Variants in CRYGN observed in about 807,000 individuals in gnomAD.
CRYGN encodes gamma-crystallin N.
Under a neutral mutation model 19.2 loss-of-function variants are expected in CRYGN, and 17 were observed. The ratio of observed to expected loss-of-function variants is 0.89; its 90% CI spans 0.61 to 1.33. The LOEUF (loss-of-function observed/expected upper bound fraction) is 1.33. Ranked by LOEUF, CRYGN falls within the 40% of genes most tolerant of loss-of-function variation. The pLI is 0.00. For missense variants in CRYGN, 239 were observed against 239.6 expected, an observed-to-expected ratio of 1.00 and a Z score of 0.02; for synonymous variants, 84 against 85.8, an observed-to-expected ratio of 0.98 and a Z score of 0.12.
At chr7:151,440,205 C>G (rs1801730625), upstream of CRYGN, 1 of 846,218 alleles carries the variant, frequency 1.2e-6, no homozygotes, top group Non-Finnish European at 1.6e-6. Flanking sequence ...CTGCCCTGCC[C>G]TGGAGTGGTG....
At chr7:151,434,564 GTA>G (rs563490871) in intron 3 of CRYGN, among the ~76,000 whole-genome samples, 97 of 152,320 alleles carry the variant, frequency 6.4e-4, no homozygotes, top group African/African-American at 2.2e-3. Flanking sequence ...AAGGTGGGAT[GTA>G]CACAGTCCCT....
Position 151,435,695 on chromosome 7 carries a change from C to G in CRYGN, c.416+485G>C, listed in dbSNP as rs1801585819. Among the ~76,000 whole-genome samples the G allele has an allele frequency of 6.6e-6, 1 of 150,616 alleles. No individual in the cohort carries two copies. The highest frequency in any genetic ancestry group is 6.6e-5 in the Admixed American group (1 of 15,148). ...GAGAGGCCCGGTTCAGGGGTCAGCTCTGCGGGGTAGGCGCGGGGGCAGGGT... is the reference window on the plus strand; with the variant it reads ...GAGAGGCCCGGTTCAGGGGTCAGCTGTGCGGGGTAGGCGCGGGGGCAGGGT... On this transcript the variant is annotated intron_variant, in intron 3 of 3. Transcript: ENST00000337323. This position sits in a 1 kb window ranked among gnomAD's most constrained non-coding sequence, Gnocchi z 4.2.
intron 3 of CRYGN, chr7:151,432,397 C>T (rs1486367152): frequency 3.7e-6 from 2 of 541,564 alleles, no homozygotes; most frequent in Non-Finnish European, 5.6e-6. Flanking sequence ...CGAGCGGCCC[C>T]TTCACTCTGG....
chr7:151,440,050 G>A lies in CRYGN; in HGVS notation c.-133C>T, dbSNP rs982148437. The A allele has an allele frequency of 2.2e-6, 3 of 1,352,602 alleles. No homozygotes were observed. Among genetic ancestry groups the A allele is most frequent in the Admixed American group, 7.2e-5 (2 of 27,864 alleles). The allele number at this position is 1,352,602 out of a possible 1,614,324, so 83.8% of individuals were successfully genotyped here. ...GCTGTCGGGCGTGCTAAGCCCGAGG[G>A]GCCACCAGGCGGTTGGGACCCGCCG... On this transcript the variant is annotated 5_prime_UTR_variant, in exon 1 of 4. Transcript: ENST00000337323.
chr7:151,430,328 T>C lies in CRYGN; in HGVS notation c.417-148A>G, dbSNP rs1409286478. The C allele has an allele frequency of 1.0e-5, 8 of 788,112 alleles. No homozygotes were observed. The highest frequency in any genetic ancestry group is 1.6e-5 in the Non-Finnish European group (8 of 501,440). 48.8% of individuals were successfully genotyped at this position (788,112 alleles called of 1,614,324 possible). On this transcript the variant is annotated intron_variant, in intron 3 of 3. Transcript: ENST00000337323. This position sits in a 1 kb window ranked among gnomAD's most constrained non-coding sequence, Gnocchi z 5.2. The stretch of plus-strand genomic sequence containing the variant: ...GTTGCCTAGTGGTTTCATGTCTTCA[T>C]TTGGCCTCGGCTGTCATGGGACAGC...
rs35006328 is a variant in CRYGN at position 151,430,259 on chromosome 7, A to G, written c.417-79T>C. 0.017 allele frequency: 23,729 copies of G among 1,417,504 alleles called. 270 individuals carry two copies. Among genetic ancestry groups the G allele is most frequent in the Non-Finnish European group, 0.02 (20,632 of 1,020,318 alleles). 87.8% of individuals were successfully genotyped at this position (1,417,504 alleles called of 1,614,324 possible). A position where few individuals can be genotyped will look rare whatever the true frequency, so the allele number is the denominator to read the frequency against. ...GGCCTTTTGGGGACCCATCTACCAC[A>G]TGGCAGCAGGGAGCCCCTTCCCCTT... On this transcript the variant is annotated intron_variant, in intron 3 of 3. Coordinates refer to ENST00000337323, the MANE Select transcript of CRYGN (RefSeq NM_144727.3). This position sits in a 1 kb window ranked among gnomAD's most constrained non-coding sequence, Gnocchi z 5.2.
chr7:151,434,908 C>T (rs1210438265), intron 3 of CRYGN, among the ~76,000 whole-genome samples: 1 of 152,212 alleles, frequency 6.6e-6, no homozygotes, highest in East Asian at 1.9e-4. Context: ...TTACTGGACT[C>T]GAAATCATCT....
intron 1 of CRYGN, 136 bp from the exon 2 acceptor site, chr7:151,438,380 T>C: frequency 1.2e-5 from 10 of 815,080 alleles, no homozygotes; most frequent in Non-Finnish European, 1.9e-5. Flanking sequence ...CTGCACACAG[T>C]AGGTGCCCAA....
In CRYGN at chr7:151,431,033, T is replaced by A. The variant is rs1801451696; in HGVS notation, c.417-853A>T. Among the ~76,000 whole-genome samples the A allele has an allele frequency of 6.6e-6, 1 of 152,170 alleles. No homozygotes were observed. The highest frequency in any genetic ancestry group is 2.1e-4 in the South Asian group (1 of 4,828). ...TCTCCATGTCCAGGAGCCCCCATGC[T>A]CAGGAATCTCGGGTCCAGGGCCCCT... On this transcript the variant is annotated intron_variant, in intron 3 of 3. Transcript: ENST00000337323. The surrounding 1 kb of genome is among the most constrained non-coding windows in gnomAD (Gnocchi z 4.8).
chr7:151,432,517 G>T (rs73727195), intron 3 of CRYGN, among the ~76,000 whole-genome samples: 3,054 of 152,310 alleles, frequency 0.02, 112 homozygotes, highest in African/African-American at 0.066. Flanking sequence ...AAACTGACCA[G>T]TCCTGGCCGG....
rs573290873 is a variant in CRYGN, at chr7:151,433,851, G to A, written c.416+2329C>T. On this transcript the variant is annotated intron_variant, in intron 3 of 3. Coordinates refer to ENST00000337323, the MANE Select transcript of CRYGN (RefSeq NM_144727.3). The surrounding 1 kb of genome is among the most constrained non-coding windows in gnomAD (Gnocchi z 5.1). ...ACTGGGAGGAGGCAGACAGAGGAAA[G>A]GGCAGGGGCCTGTCCTGCCCACATC... Among the ~76,000 whole-genome samples, 182 of 152,320 alleles carry A rather than the reference G, an allele frequency of 1.2e-3. 1 individual carries two copies. The highest frequency in any genetic ancestry group is 4.1e-3 in the African/African-American group (172 of 41,570).
Position 151,439,965 on chromosome 7 carries a change from C to T in CRYGN, c.-48G>A. On this transcript the variant is annotated 5_prime_UTR_variant, in exon 1 of 4. Transcript: ENST00000337323. ...GGTCCCCGTTTACACCGGGCAGCGC[C>T]CTGCTGGCTCAGCGCCGCCCCGGAC... The T allele has an allele frequency of 6.7e-7, 1 of 1,492,182 alleles. No individual in the cohort carries two copies. Among genetic ancestry groups the T allele is most frequent in the Non-Finnish European group, 8.9e-7 (1 of 1,119,420 alleles). The allele number at this position is 1,492,182 out of a possible 1,614,324, so 92.4% of individuals were successfully genotyped here.
chr7:151,437,422 C>A (rs1801643161), intron 2 of CRYGN, among the ~76,000 whole-genome samples: 1 of 152,234 alleles, frequency 6.6e-6, no homozygotes, highest in Admixed American at 6.5e-5. Context: ...CTAGGAGCAG[C>A]TGGACCGAAA....
chr7:151,434,873 C>G (rs1282589812), intron 3 of CRYGN, among the ~76,000 whole-genome samples: 1 of 152,214 alleles, frequency 6.6e-6, no homozygotes, highest in African/African-American at 2.4e-5. Flanking sequence ...TTTCCAAGAA[C>G]CTATCCACAA....
In CRYGN at chr7:151,435,809, C is replaced by A. The variant is rs1584826329; in HGVS notation, c.416+371G>T. ...GGAGGACCCCTTGGTAAGCAGGTGT[C>A]CCCCGGTTCAAGAAAACCAAAGGCG... On this transcript the variant is annotated intron_variant, in intron 3 of 3. Transcript: ENST00000337323. The surrounding 1 kb of genome is among the most constrained non-coding windows in gnomAD (Gnocchi z 4.2). Among the ~76,000 whole-genome samples, 1 of 152,122 alleles carries A rather than the reference C, an allele frequency of 6.6e-6. No homozygotes were observed. Among genetic ancestry groups the A allele is most frequent in the Non-Finnish European group, 1.5e-5 (1 of 68,008 alleles).
rs1396917572 is a variant in CRYGN, at chr7:151,439,955, C to T, written c.-38G>A. ...CCCTTCCGCGGGTCCCCGTTTACAC[C>T]GGGCAGCGCCCTGCTGGCTCAGCGC... On this transcript the variant is annotated 5_prime_UTR_variant, in exon 1 of 4. Transcript: ENST00000337323. 6 of 1,508,236 alleles carry T rather than the reference C, an allele frequency of 4.0e-6. No homozygotes were observed. The East Asian group carries it at 1.5e-4, about 38-fold the overall frequency. 93.4% of individuals were successfully genotyped at this position (1,508,236 alleles called of 1,614,324 possible). A position where few individuals can be genotyped will look rare whatever the true frequency, so the allele number is the denominator to read the frequency against.
In CRYGN at chr7:151,436,316, GT is replaced by G; in HGVS notation, c.279del (p.Glu93AspfsTer5). ...CCCTCGAAGATTTCTAGGCGGAAAT[GT>G]TCTCCGTGCTCCAAGACCAAGCAAA... ...GSCRPVGMHG[E>X]HFRLEIFEGC... On this transcript the variant is annotated frameshift_variant, in exon 3 of 4. Transcript: ENST00000337323. LOFTEE classifies it high-confidence loss of function. The surrounding 1 kb of genome is among the most constrained non-coding windows in gnomAD (Gnocchi z 5.1). The G allele has an allele frequency of 6.3e-7, 1 of 1,575,046 alleles. No homozygotes were observed. Among genetic ancestry groups the G allele is most frequent in the East Asian group, 2.3e-5 (1 of 43,434 alleles).
intron 3 of CRYGN, among the ~76,000 whole-genome samples, chr7:151,434,201 C>A (rs910869863): frequency 6.6e-6 from 1 of 152,164 alleles, no homozygotes; most frequent in African/African-American, 2.4e-5. Flanking sequence ...CACCTGGGGT[C>A]CCGATGGCTG....
chr7:151,437,015 G>C (rs986667306), intron 2 of CRYGN: 2 of 152,148 alleles, frequency 1.3e-5, no homozygotes, highest in Admixed American at 6.5e-5. Flanking sequence ...CAGTTCGCAA[G>C]ATACCAAGGA....
Sources: allele counts gnomAD v4.1 joint callset (sites outside exome capture counted in the v4.1 genomes callset), GRCh38; gene constraint gnomAD v4.1.1; non-coding constraint Gnocchi (gnomAD v3.1); transcripts MANE v1.5; gene names NCBI Gene and HGNC (gene_info 2026-07-23, HGNC 2026-07-21).